Variants in GPR89B observed in about 807,000 individuals in gnomAD.
GPR89B encodes the protein golgi pH regulator B.
In GPR89B, 25 loss-of-function variants were observed where a neutral mutation model predicts 52.4. The ratio of observed to expected loss-of-function variants is 0.48; its 90% CI spans 0.35 to 0.67. The LOEUF (loss-of-function observed/expected upper bound fraction) is 0.67, where lower values mean the gene tolerates loss of function less well. GPR89B is among the 30% of genes least tolerant of loss of function. The pLI is 0.01. For synonymous variants in GPR89B, 52 were observed against 151.2 expected (o/e 0.34, Z 4.81); for missense variants, 146 against 450.2 (o/e 0.32, Z 6.11).
In GPR89B at chr1:147,992,756, CCT is replaced by C; in HGVS notation, c.1208_1209del (p.Pro403LeufsTer9). On this transcript the variant is annotated frameshift_variant, in exon 14 of 14. Transcript: ENST00000314163. LOFTEE classifies it high-confidence loss of function. ...SSVLLIRMSM[P>X]LEYRTIITEV... ...TGTGCTGCTGATCCGAATGAGTATG[CCT>C]TTAGAATACCGCACCATAATCACTG... 1 of 1,393,958 alleles carries C rather than the reference CCT, an allele frequency of 7.2e-7. No individual in the cohort carries two copies. The highest frequency in any genetic ancestry group is 1.5e-5 in the African/African-American group (1 of 66,872). 86.3% of individuals were successfully genotyped at this position (1,393,958 alleles called of 1,614,324 possible). A position where few individuals can be genotyped will look rare whatever the true frequency, so the allele number is the denominator to read the frequency against.
In GPR89B at chr1:147,983,566, A is replaced by G. The variant is rs1475488310; in HGVS notation, c.910-2633A>G. ...GAAGACATTTATGACGCCAAAAAACACAAGAAAAAATGCTCACCATCACTG... is the reference window on the plus strand; with the variant it reads ...GAAGACATTTATGACGCCAAAAAACGCAAGAAAAAATGCTCACCATCACTG... On this transcript the variant is annotated intron_variant, in intron 10 of 13. Coordinates refer to ENST00000314163, the MANE Select transcript of GPR89B (RefSeq NM_016334.5). 1.1e-3 allele frequency among the ~76,000 whole-genome samples: 162 copies of G among 152,346 alleles called. 1 individual carries two copies. The highest frequency in any genetic ancestry group is 3.8e-3 in the African/African-American group (160 of 41,580).
chr1:147,930,785 T>C (rs1255767410), intron 1 of GPR89B, among the ~76,000 whole-genome samples: 3 of 152,160 alleles, frequency 2.0e-5, no homozygotes, highest in Non-Finnish European at 4.4e-5. Flanking sequence ...TCTTCTCTCT[T>C]CAGCTGTGGC....
At position 147,949,577 on chromosome 1, in the gene GPR89B, A is replaced by AC. The variant is rs1159277012; in HGVS notation, c.416-3761dup. ...GGGCGGCTGGCCGGGCGGGGGGCTGACCCCCCCACCTCCCTCCAGGACCGG... is the reference window on the plus strand; with the variant it reads ...GGGCGGCTGGCCGGGCGGGGGGCTGACCCCCCCCACCTCCCTCCAGGACCGG... On this transcript the variant is annotated intron_variant, in intron 5 of 13. Transcript: ENST00000314163. Among the ~76,000 whole-genome samples the AC allele has an allele frequency of 2.2e-3, 216 of 97,572 alleles. 9 individuals are homozygous for AC. The highest frequency in any genetic ancestry group is 7.4e-3 in the African/African-American group (164 of 22,122). The allele number at this position is 97,572 out of a possible 152,430, so 64.0% of individuals were successfully genotyped here.
chr1:147,929,054 T>G, intron 1 of GPR89B: 1 of 914,172 alleles, frequency 1.1e-6, no homozygotes, highest in Non-Finnish European at 1.3e-6. Context: ...TGGAGAAATT[T>G]GCTGCTTCAA....
intron 10 of GPR89B, among the ~76,000 whole-genome samples, chr1:147,979,340 T>C (rs1658068223): frequency 1.3e-5 from 2 of 152,042 alleles, no homozygotes; most frequent in East Asian, 1.9e-4. Flanking sequence ...AGTTGTTCCT[T>C]TCCCCATCCT....
chr1:148,019,840 G>T, the GPR89B span, among the ~76,000 whole-genome samples: 1 of 151,968 alleles, frequency 6.6e-6, no homozygotes, highest in Non-Finnish European at 1.5e-5. Flanking sequence ...GTGAAGAGAA[G>T]AATTCTGGGA....
chr1:147,971,816 CTGAT>C lies in GPR89B; in HGVS notation c.909+1858_909+1861del, dbSNP rs1197576154. ...TTTTAACAGGCTTGTTGGGGTATAA[CTGAT>C]ATGTAAACCGAACATATATTTATGT... On this transcript the variant is annotated intron_variant, in intron 10 of 13. Coordinates refer to ENST00000314163, the MANE Select transcript of GPR89B (RefSeq NM_016334.5). Among the ~76,000 whole-genome samples, 582 of 151,912 alleles carry C rather than the reference CTGAT, an allele frequency of 3.8e-3. 11 individuals carry two copies. Among genetic ancestry groups the C allele is most frequent in the African/African-American group, 0.013 (547 of 41,264 alleles).
At chr1:147,969,800 G>C (rs1657285710) in intron 9 of GPR89B, 67 bp from the exon 10 acceptor site, 1 of 1,502,356 alleles carries the variant, frequency 6.7e-7, no homozygotes, top group Admixed American at 2.3e-5. Context: ...ATAGAGGGAA[G>C]AATACTTGTG....
the GPR89B span, among the ~76,000 whole-genome samples, chr1:148,016,860 AT>A: frequency 6.6e-6 from 1 of 150,848 alleles, no homozygotes; most frequent in African/African-American, 2.5e-5. Context: ...TTAAAAAAAA[AT>A]CTTTTGTCTG....
At chr1:147,931,127 G>C (rs1266860014) in intron 1 of GPR89B, among the ~76,000 whole-genome samples, 1 of 151,778 alleles carries the variant, frequency 6.6e-6, no homozygotes, top group Non-Finnish European at 1.5e-5. Flanking sequence ...CTATCCCTTG[G>C]ACCTGGCACA....
chr1:147,932,754 C>T (rs1427980730), intron 1 of GPR89B, among the ~76,000 whole-genome samples: 11 of 152,236 alleles, frequency 7.2e-5, no homozygotes, highest in South Asian at 4.1e-4. Context: ...TCCCCTACTC[C>T]GGTTTAAAGC....
At chr1:147,937,007 A>C (rs1456006728) in intron 2 of GPR89B, among the ~76,000 whole-genome samples, 7 of 151,938 alleles carry the variant, frequency 4.6e-5, no homozygotes, top group Non-Finnish European at 7.4e-5. Context: ...TCATTTGTCT[A>C]TCTGGCCCTG....
At chr1:147,932,608 C>T (rs1406888695) in intron 1 of GPR89B, among the ~76,000 whole-genome samples, 2 of 152,064 alleles carry the variant, frequency 1.3e-5, no homozygotes, top group Non-Finnish European at 2.9e-5. Context: ...GATAACCATG[C>T]CTCGTACTTA....
At chr1:148,015,293 ATCTCTCTCTC>A in the GPR89B span, among the ~76,000 whole-genome samples, 396 of 69,884 alleles carry the variant, frequency 5.7e-3, 14 homozygotes, top group African/African-American at 0.014. Flanking sequence ...GGATTCTAGG[ATCTCTCTCTC>A]TCTCTCTCTC....
At chr1:147,950,853 G>A (rs1485708363) in intron 5 of GPR89B, among the ~76,000 whole-genome samples, 2 of 152,196 alleles carry the variant, frequency 1.3e-5, no homozygotes, top group Non-Finnish European at 2.9e-5. Context: ...GAATCAGGCA[G>A]GGAGGCTGCA....
At chr1:147,933,219 C>T (rs1321955129) in intron 1 of GPR89B, among the ~76,000 whole-genome samples, 1 of 150,936 alleles carries the variant, frequency 6.6e-6, no homozygotes, top group Non-Finnish European at 1.5e-5. Context: ...AGCCTATTAT[C>T]TAATGTTTTC....
At chr1:147,951,389 G>A (rs1655676854) in intron 5 of GPR89B, among the ~76,000 whole-genome samples, 1 of 152,058 alleles carries the variant, frequency 6.6e-6, no homozygotes, top group Admixed American at 6.5e-5. Context: ...CAATAAAGAA[G>A]AATGGGAAGA....
chr1:147,991,205 A>T (rs1228806633), intron 12 of GPR89B, among the ~76,000 whole-genome samples: 1 of 151,302 alleles, frequency 6.6e-6, no homozygotes, highest in Non-Finnish European at 1.5e-5. Flanking sequence ...ATTCTCTTTG[A>T]AGCAATTGTG....
chr1:147,942,434 A>G (rs1378163963), intron 3 of GPR89B, among the ~76,000 whole-genome samples: 2 of 151,784 alleles, frequency 1.3e-5, no homozygotes, highest in Non-Finnish European at 2.9e-5. Flanking sequence ...TAGATTTATC[A>G]TATGACCCAA....
Sources: gnomAD v4.1 joint callset for allele counts (sites outside exome capture counted in the v4.1 genomes callset) on GRCh38, gnomAD v4.1.1 for gene constraint, MANE v1.5 for transcripts, NCBI Gene and HGNC (gene_info 2026-07-23, HGNC 2026-07-21) for gene names.